TFB2M: variants seen among roughly 807,000 people sequenced by gnomAD.
TFB2M encodes transcription factor B2, mitochondrial.
In TFB2M, 44 loss-of-function variants were observed where a neutral mutation model predicts 41.3. That is an observed-to-expected ratio of 1.07 (90% confidence interval 0.84 to 1.37). The LOEUF (loss-of-function observed/expected upper bound fraction) is 1.37, where lower values mean the gene tolerates loss of function less well. Among genes scored for constraint, TFB2M ranks in the 40% most tolerant of loss-of-function variants. The pLI is 0.00. For synonymous variants in TFB2M, 188 were observed against 176.8 expected (o/e 1.06, Z -0.50); for missense variants, 496 against 490.2 (o/e 1.01, Z -0.11).
chr1:246,541,619 A>G (rs1370902351), intron 7 of TFB2M, among the ~76,000 whole-genome samples: 1 of 152,236 alleles, frequency 6.6e-6, no homozygotes, highest in African/African-American at 2.4e-5. Context: ...CTAACCTATA[A>G]TGAAAATATT....
chr1:246,562,725 T>G (rs1659486660), intron 2 of TFB2M, among the ~76,000 whole-genome samples: 1 of 152,006 alleles, frequency 6.6e-6, no homozygotes, highest in Non-Finnish European at 1.5e-5. Context: ...AGTGGTGTGA[T>G]CTCAGCTCAC....
rs182936070 is a variant in TFB2M, at chr1:246,556,551, T to C, written c.705+22A>G. ...AAAATTACAGACTCAGAACAAAAAA[T>C]AGGTATTTGTTAATAACATACCTGG... On this transcript the variant is annotated intron_variant, in intron 4 of 7. Coordinates refer to ENST00000366514, the MANE Select transcript of TFB2M (RefSeq NM_022366.3). 1.0e-4 allele frequency: 145 copies of C among 1,438,508 alleles called. No individual in the cohort carries two copies. In the African/African-American group the frequency reaches 1.9e-3, roughly 19 times the overall value. 89.1% of individuals were successfully genotyped at this position (1,438,508 alleles called of 1,614,324 possible). A position where few individuals can be genotyped will look rare whatever the true frequency, so the allele number is the denominator to read the frequency against.
At chr1:246,551,471 A>G (rs1390141730) in intron 4 of TFB2M, among the ~76,000 whole-genome samples, 169 bp from the exon 5 acceptor site, 1 of 152,218 alleles carries the variant, frequency 6.6e-6, no homozygotes, top group Non-Finnish European at 1.5e-5. Flanking sequence ...AGTCCCAGCT[A>G]CTCGAAAGGC....
rs147741461 is a variant in TFB2M at position 246,551,345 on chromosome 1, A to G, written c.706-43T>C. On this transcript the variant is annotated intron_variant, in intron 4 of 7. Coordinates refer to ENST00000366514, the MANE Select transcript of TFB2M (RefSeq NM_022366.3). ...AAAATTACATGTTATACACATCTAT[A>G]ATCAATTAAAAACAAATGCTGACTC... 27 of 1,343,022 alleles carry G rather than the reference A, an allele frequency of 2.0e-5. No homozygotes were observed. In the East Asian group the frequency reaches 5.5e-4, roughly 27 times the overall value. 83.2% of individuals were successfully genotyped at this position (1,343,022 alleles called of 1,614,324 possible). A position where few individuals can be genotyped will look rare whatever the true frequency, so the allele number is the denominator to read the frequency against.
chr1:246,553,450 A>T (rs1035852135), intron 4 of TFB2M, among the ~76,000 whole-genome samples: 2 of 152,226 alleles, frequency 1.3e-5, no homozygotes, highest in African/African-American at 4.8e-5. Flanking sequence ...TAGAAGGATC[A>T]CTTGAACCCA....
In TFB2M at chr1:246,565,816, C is replaced by G; in HGVS notation, c.313+10G>C. The G allele has an allele frequency of 1.3e-6, 2 of 1,590,440 alleles. No individual in the cohort carries two copies. The highest frequency in any genetic ancestry group is 1.7e-4 in the Middle Eastern group (1 of 5,988). On this transcript the variant is annotated intron_variant, in intron 1 of 7. Transcript: ENST00000366514. ...GAACATCCAAGAAAATGCAATTCAG[C>G]TGGACTCACCTGGATTGCACTCCAG...
chr1:246,553,671 A>C (rs1329296413), intron 4 of TFB2M, among the ~76,000 whole-genome samples: 3 of 152,206 alleles, frequency 2.0e-5, no homozygotes, highest in Admixed American at 6.5e-5. Context: ...GTGTCAAACA[A>C]AAATGAAAAC....
In TFB2M at chr1:246,565,737, C is replaced by A. The variant is rs77268866; in HGVS notation, c.313+89G>T. 1,045 of 1,385,504 alleles carry A rather than the reference C, an allele frequency of 7.5e-4. 1 individual carries two copies. Among genetic ancestry groups the A allele is most frequent in the Non-Finnish European group, 9.7e-4 (989 of 1,021,316 alleles). 85.8% of individuals were successfully genotyped at this position (1,385,504 alleles called of 1,614,324 possible). Reference sequence around the variant, plus strand: ...AAGCAAAAGAACAACAAAAAAGACCCCCCAGTATCTAAAATAGCACCCCGA... The same window carrying A: ...AAGCAAAAGAACAACAAAAAAGACCACCCAGTATCTAAAATAGCACCCCGA... On this transcript the variant is annotated intron_variant, in intron 1 of 7. Transcript: ENST00000366514.
chr1:246,540,977 A>G lies in TFB2M; in HGVS notation c.*54T>C. ...ATGTGAGTTTTCAAATTTGGTTTTC[A>G]TGTCATAGTTTCCAAATAAATGAAC... On this transcript the variant is annotated 3_prime_UTR_variant, in exon 8 of 8. Coordinates refer to ENST00000366514, the MANE Select transcript of TFB2M (RefSeq NM_022366.3). The G allele has an allele frequency of 6.5e-7, 1 of 1,549,834 alleles. No homozygotes were observed. The highest frequency in any genetic ancestry group is 1.2e-5 in the South Asian group (1 of 81,038).
chr1:246,554,526 A>T (rs1157771424), intron 4 of TFB2M, among the ~76,000 whole-genome samples: 3 of 152,116 alleles, frequency 2.0e-5, no homozygotes, highest in Non-Finnish European at 4.4e-5. Flanking sequence ...CAAGGGCCTT[A>T]TGAGAATCTA....
intron 2 of TFB2M, among the ~76,000 whole-genome samples, chr1:246,559,882 A>C (rs1659412968): frequency 6.6e-6 from 1 of 152,180 alleles, no homozygotes; most frequent in South Asian, 2.1e-4. Context: ...CAAGAAACTG[A>C]GAATACAACT....
intron 6 of TFB2M, among the ~76,000 whole-genome samples, chr1:246,545,332 C>A (rs1028316934): frequency 6.6e-6 from 1 of 151,824 alleles, no homozygotes. Flanking sequence ...AGTTCAAGAC[C>A]AGCCTGGACA....
At chr1:246,545,719 G>A (rs71638361) in intron 6 of TFB2M, among the ~76,000 whole-genome samples, 2,207 of 151,504 alleles carry the variant, frequency 0.015, 24 homozygotes, top group Non-Finnish European at 0.021. Flanking sequence ...AGGCTCAGAT[G>A]GGAGGATGCT....
chr1:246,544,972 A>G lies in TFB2M; in HGVS notation c.859-291T>C, dbSNP rs370771845. Among the ~76,000 whole-genome samples, 197 of 151,952 alleles carry G rather than the reference A, an allele frequency of 1.3e-3. 3 individuals carry two copies. In the East Asian group the frequency reaches 0.034, roughly 26 times the overall value. ...AGGCGCCCACCACCACGCCTGGCTA[A>G]TTTTTTGTATTTTTAGTAGAGATGG... On this transcript the variant is annotated intron_variant, in intron 6 of 7. Coordinates refer to ENST00000366514, the MANE Select transcript of TFB2M (RefSeq NM_022366.3).
chr1:246,547,833 T>A (rs1373739580), intron 6 of TFB2M, among the ~76,000 whole-genome samples: 3 of 152,192 alleles, frequency 2.0e-5, no homozygotes, highest in African/African-American at 7.2e-5. Context: ...GTCACTTTGG[T>A]TCTTACGTAC....
At position 246,546,983 on chromosome 1, in the gene TFB2M, A is replaced by ACACTTTT. The variant is rs764498048; in HGVS notation, c.858+1561_858+1562insAAAAGTG. Among the ~76,000 whole-genome samples the ACACTTTT allele has an allele frequency of 6.3e-5, 8 of 127,180 alleles. 3 individuals carry two copies. Among genetic ancestry groups the ACACTTTT allele is most frequent in the Non-Finnish European group, 5.0e-5 (3 of 60,582 alleles). 83.4% of individuals were successfully genotyped at this position (127,180 alleles called of 152,430 possible). ...TGTATATATACACACACACACACACATTTTTTTTTTTTTTTTTTGAGACAA... is the reference window on the plus strand; with the variant it reads ...TGTATATATACACACACACACACACACACTTTTTTTTTTTTTTTTTTTTTTGAGACAA... On this transcript the variant is annotated intron_variant, in intron 6 of 7. Transcript: ENST00000366514.
chr1:246,564,311 A>G (rs759608499), intron 2 of TFB2M, 35 bp downstream of exon 2: 3 of 1,586,136 alleles, frequency 1.9e-6, no homozygotes, highest in East Asian at 4.5e-5. Context: ...ATAGTTGAAC[A>G]AACAATAACA....
At chr1:246,548,724 G>A in intron 5 of TFB2M, 117 bp from the exon 6 acceptor site, 1 of 847,468 alleles carries the variant, frequency 1.2e-6, no homozygotes. Context: ...AGTCTAATTG[G>A]ATTTAAAAGA....
intron 4 of TFB2M, among the ~76,000 whole-genome samples, chr1:246,555,686 G>A (rs548790977): frequency 1.3e-5 from 2 of 152,334 alleles, no homozygotes; most frequent in East Asian, 3.9e-4. Flanking sequence ...GACTTGAAGA[G>A]ATATTGGTAA....
Sources: gnomAD v4.1 joint callset for allele counts (sites outside exome capture counted in the v4.1 genomes callset) on GRCh38, gnomAD v4.1.1 for gene constraint, MANE v1.5 for transcripts, NCBI Gene and HGNC (gene_info 2026-07-23, HGNC 2026-07-21) for gene names.